NUDT12: variants seen among roughly 807,000 people sequenced by gnomAD.
NUDT12 encodes nudix hydrolase 12.
A neutral mutation model predicts 45.7 loss-of-function variants in NUDT12; 42 were observed. The observed-to-expected ratio is 0.92, with a 90% confidence interval of 0.72 to 1.19. NUDT12 has a LOEUF of 1.19. NUDT12 is among the 50% of genes most tolerant of loss of function. The probability of loss-of-function intolerance (pLI) is 0.00; values close to 1 mark genes in which losing one functional copy is unlikely to be tolerated. For synonymous variants in NUDT12, 206 were observed against 179.7 expected (o/e 1.15, Z -1.17); for missense variants, 590 against 533.1 (o/e 1.11, Z -1.05).
chr5:103,560,649 A>T lies in NUDT12; in HGVS notation c.-6-395T>A, dbSNP rs954933314. On this transcript the variant is annotated intron_variant, in intron 1 of 6. Transcript: ENST00000230792. The stretch of plus-strand genomic sequence containing the variant: ...AGATGGAAGTAAAGGCAGAGACTTT[A>T]TAAGTTTCACAGGAAAACAGTTTAT... 3.3e-5 allele frequency among the ~76,000 whole-genome samples: 5 copies of T among 152,216 alleles called. No homozygotes were observed. In the East Asian group the frequency reaches 9.6e-4, roughly 29 times the overall value.
intron 2 of NUDT12, 97 bp downstream of exon 2, chr5:103,559,946 C>T: frequency 1.3e-6 from 1 of 786,220 alleles, no homozygotes; most frequent in Admixed American, 2.2e-5. Flanking sequence ...AGTAGTTCAA[C>T]AATATAAATA....
Position 103,549,241 on chromosome 5 carries a change from T to C in NUDT12, c.*1620A>G, listed in dbSNP as rs1012359138. On this transcript the variant is annotated 3_prime_UTR_variant, in exon 7 of 7. Coordinates refer to ENST00000230792, the MANE Select transcript of NUDT12 (RefSeq NM_031438.4). ...TAATCAAGGTACATTATTTTCCATA[T>C]ACTTATGTAGCTCGAATTTTATTAT... 1 of 152,054 alleles carries C rather than the reference T, an allele frequency of 6.6e-6. No individual in the cohort carries two copies. The highest frequency in any genetic ancestry group is 1.5e-5 in the Non-Finnish European group (1 of 67,922). 9.4% of individuals were successfully genotyped at this position (152,054 alleles called of 1,614,324 possible).
intron 2 of NUDT12, 31 bp downstream of exon 2, chr5:103,560,012 C>T: frequency 6.8e-7 from 1 of 1,472,618 alleles, no homozygotes; most frequent in Non-Finnish European, 9.5e-7. Flanking sequence ...AACCACAAAC[C>T]CTTTCAGGTG....
At position 103,559,027 on chromosome 5, in the gene NUDT12, G is replaced by A; in HGVS notation, c.648C>T (p.Val216=). The A allele has an allele frequency of 1.9e-6, 3 of 1,613,712 alleles. No individual in the cohort carries two copies. The highest frequency in any genetic ancestry group is 2.5e-6 in the Non-Finnish European group (3 of 1,179,754). The change falls in exon 3 of 7, where the codon GTC becomes GTT. Residue 216 remains valine (V), a synonymous_variant. Transcript: ENST00000230792. ...CCAATCCATCTTCCTCCTCTCTCGG[G>A]ACTTCACCAGCATAATTAAGTAGTT... ...KDKLLNYAGE[V]PREEEDGLVA...
intron 1 of NUDT12, 38 bp downstream of exon 1, chr5:103,562,665 G>A (rs1749075162): frequency 6.6e-6 from 1 of 152,464 alleles, no homozygotes; most frequent in Non-Finnish European, 1.5e-5. Context: ...CCCCAGAGGA[G>A]GCAATGAGAC....
intron 6 of NUDT12, 149 bp from the exon 7 acceptor site, chr5:103,551,120 A>AT: frequency 3.3e-6 from 2 of 597,076 alleles, no homozygotes; most frequent in Non-Finnish European, 5.8e-6. Flanking sequence ...TTACATGCAA[A>AT]GTTTTTTTTT....
chr5:103,559,642 A>C (rs1384800262), intron 2 of NUDT12, 174 bp from the exon 3 acceptor site: 1 of 455,162 alleles, frequency 2.2e-6, no homozygotes, highest in Non-Finnish European at 3.8e-6. Flanking sequence ...TAAAAGAACA[A>C]TCATAAATGA....
intron 1 of NUDT12, among the ~76,000 whole-genome samples, chr5:103,561,994 T>C (rs2112460860): frequency 6.6e-6 from 1 of 152,292 alleles, no homozygotes; most frequent in African/African-American, 2.4e-5. Flanking sequence ...GAGAAGCACA[T>C]AAAGTCTAAC....
At chr5:103,554,909 T>C in intron 4 of NUDT12, 56 bp from the exon 5 acceptor site, 2 of 676,860 alleles carry the variant, frequency 3.0e-6, no homozygotes, top group Non-Finnish European at 5.3e-6. Context: ...TTTAGATTCA[T>C]TGTACAAACA....
chr5:103,557,280 G>GTATATATATATATATATATATAT (rs1491335747), intron 3 of NUDT12, among the ~76,000 whole-genome samples: 1 of 118,894 alleles, frequency 8.4e-6, no homozygotes, highest in Non-Finnish European at 1.8e-5. Context: ...ATCTTAAAAT[G>GTATATATATATATATATATATAT]ATATATATAT....
rs986853053 is a variant in NUDT12, at chr5:103,549,578, C to G, written c.*1283G>C. Reference sequence around the variant, plus strand: ...CAGACTGTTGTAATTAGTTATGTAACTTTCACTAATTAGGTAAATTCACCT... The same window carrying G: ...CAGACTGTTGTAATTAGTTATGTAAGTTTCACTAATTAGGTAAATTCACCT... On this transcript the variant is annotated 3_prime_UTR_variant, in exon 7 of 7. Coordinates refer to ENST00000230792, the MANE Select transcript of NUDT12 (RefSeq NM_031438.4). 7 of 151,880 alleles carry G rather than the reference C, an allele frequency of 4.6e-5. No homozygotes were observed. Among genetic ancestry groups the G allele is most frequent in the Non-Finnish European group, 1.0e-4 (7 of 67,894 alleles). 9.4% of individuals were successfully genotyped at this position (151,880 alleles called of 1,614,324 possible). A position where few individuals can be genotyped will look rare whatever the true frequency, so the allele number is the denominator to read the frequency against.
chr5:103,556,797 T>C (rs1022907993), intron 3 of NUDT12, among the ~76,000 whole-genome samples: 1 of 152,098 alleles, frequency 6.6e-6, no homozygotes, highest in African/African-American at 2.4e-5. Context: ...AGAAATGCTA[T>C]ATGTTAAATG....
chr5:103,559,604 T>G (rs998780691), intron 2 of NUDT12, 136 bp from the exon 3 acceptor site: 2 of 501,760 alleles, frequency 4.0e-6, no homozygotes, highest in Non-Finnish European at 6.6e-6. Context: ...TTTTTTTCTT[T>G]TGTTACATAG....
At chr5:103,562,493 C>T (rs1224164665) in intron 1 of NUDT12, among the ~76,000 whole-genome samples, 2 of 152,108 alleles carry the variant, frequency 1.3e-5, no homozygotes, top group Non-Finnish European at 2.9e-5. Flanking sequence ...ACTCTACGAC[C>T]TCAGTACCGC....
chr5:103,557,952 A>T (rs556099030), intron 3 of NUDT12, among the ~76,000 whole-genome samples: 7 of 152,008 alleles, frequency 4.6e-5, no homozygotes, highest in Admixed American at 3.9e-4. Flanking sequence ...AGTATGCCCA[A>T]AAGTAAACTC....
At chr5:103,558,241 CT>C (rs1317671600) in intron 3 of NUDT12, among the ~76,000 whole-genome samples, 1 of 152,024 alleles carries the variant, frequency 6.6e-6, no homozygotes, top group African/African-American at 2.4e-5. Flanking sequence ...TTATAAGGGT[CT>C]CAACCTACAG....
rs149645740 is a variant in NUDT12 at position 103,555,991 on chromosome 5, A to C, written c.904T>G (p.Cys302Gly). Residue 302 changes from cysteine to glycine, a missense_variant, in exon 4 of 7, where the codon TGT (cysteine) becomes GGT (glycine). Physicochemically the swap from Cys to Gly is radical, Grantham distance 159. Transcript: ENST00000230792. ...KIEEGGYKRL[C>G]LKEDCPSLNG... ...AGACTAGGACAGTCTTCTTTTAAAC[A>C]TAATCTCTTATAGCCACCTTCTTCA... The C allele has an allele frequency of 6.2e-7, 1 of 1,611,080 alleles. No homozygotes were observed. Among genetic ancestry groups the C allele is most frequent in the African/African-American group, 1.3e-5 (1 of 74,882 alleles).
At chr5:103,556,119 CA>C (rs747373605) in intron 3 of NUDT12, 21 bp from the exon 4 acceptor site, 1 of 1,516,688 alleles carries the variant, frequency 6.6e-7, no homozygotes, top group Admixed American at 2.2e-5. Flanking sequence ...AAGAAAAGCA[CA>C]AAAATTTTAA....
Position 103,559,025 on chromosome 5 carries a change from G to T in NUDT12, c.650C>A (p.Pro217Gln). 1 of 1,613,646 alleles carries T rather than the reference G, an allele frequency of 6.2e-7. No individual in the cohort carries two copies. Among genetic ancestry groups the T allele is most frequent in the Non-Finnish European group, 8.5e-7 (1 of 1,179,738 alleles). ...AACCAATCCATCTTCCTCCTCTCTCGGGACTTCACCAGCATAATTAAGTAG... is the reference window on the plus strand; with the variant it reads ...AACCAATCCATCTTCCTCCTCTCTCTGGACTTCACCAGCATAATTAAGTAG... Reference protein sequence around the residue: ...DKLLNYAGEVPREEEDGLVAW... With the variant: ...DKLLNYAGEVQREEEDGLVAW... The change falls in exon 3 of 7, where the codon CCG becomes CAG. Residue 217 changes from proline to glutamine, a missense_variant. Transcript: ENST00000230792.
Sources: allele counts gnomAD v4.1 joint callset (sites outside exome capture counted in the v4.1 genomes callset), GRCh38; gene constraint gnomAD v4.1.1; transcripts MANE v1.5; gene names NCBI Gene and HGNC (gene_info 2026-07-23, HGNC 2026-07-21).